Variants in SP3 observed in about 807,000 individuals in gnomAD.
SP3 encodes Sp3 transcription factor, also known as transcription factor Sp3.
Under a neutral mutation model 70.3 loss-of-function variants are expected in SP3, and 10 were observed. The ratio of observed to expected loss-of-function variants is 0.14; its 90% CI spans 0.09 to 0.24. The LOEUF (loss-of-function observed/expected upper bound fraction) is 0.24, where lower values mean the gene tolerates loss of function less well. SP3 is among the 10% of genes least tolerant of loss of function. SP3 has a pLI of 1.00. For synonymous variants in SP3, 402 were observed against 333.5 expected (o/e 1.21, Z -2.24); for missense variants, 825 against 914.6 (o/e 0.90, Z 1.26).
At chr2:173,912,605 T>C (rs767921839) in intron 6 of SP3, among the ~76,000 whole-genome samples, 10 of 152,174 alleles carry the variant, frequency 6.6e-5, no homozygotes, top group Non-Finnish European at 1.5e-4. Context: ...CACATCAACA[T>C]TGCCTTGGTT....
chr2:173,941,655 C>T (rs148876065), intron 4 of SP3, among the ~76,000 whole-genome samples: 27 of 152,272 alleles, frequency 1.8e-4, no homozygotes, highest in African/African-American at 6.5e-4. Context: ...GTAATTTACA[C>T]ACTTGGCTTC....
chr2:173,918,790 A>AG lies in SP3; in HGVS notation c.1640-6dup, dbSNP rs745429557. On this transcript the variant is annotated splice_region_variant and splice_polypyrimidine_tract_variant and intron_variant, in intron 4 of 6. Coordinates refer to ENST00000310015, the MANE Select transcript of SP3 (RefSeq NM_003111.5). ...CTTCTTCCTTGATCCTAATATCTAA[A>AG]GGGAAAAAAAAACCAAATACAGATG... is the stretch of plus-strand genomic sequence containing the variant. 9 of 1,599,524 alleles carry AG rather than the reference A, an allele frequency of 5.6e-6. No homozygotes were observed. The highest frequency in any genetic ancestry group is 1.1e-5 in the South Asian group (1 of 88,230).
intron 4 of SP3, among the ~76,000 whole-genome samples, chr2:173,935,460 C>A (rs1319133135): frequency 1.3e-5 from 2 of 152,086 alleles, no homozygotes; most frequent in African/African-American, 4.8e-5. Context: ...CTTTACAATG[C>A]CAAATGTCAG....
chr2:173,913,829 A>T (rs1006781017), intron 5 of SP3: 1 of 152,166 alleles, frequency 6.6e-6, no homozygotes, highest in Non-Finnish European at 1.5e-5. Flanking sequence ...CTTTTTTTTA[A>T]ATCTAGTTAA....
chr2:173,932,827 C>T lies in SP3; in HGVS notation c.1640-14042G>A, dbSNP rs962826277. ...CTGACACGGTGAAACCCCGTCTCTACTAAAAATACAAAACATTAGCCAGGC... is the reference window on the plus strand; with the variant it reads ...CTGACACGGTGAAACCCCGTCTCTATTAAAAATACAAAACATTAGCCAGGC... On this transcript the variant is annotated intron_variant, in intron 4 of 6. Coordinates refer to ENST00000310015, the MANE Select transcript of SP3 (RefSeq NM_003111.5). 9.2e-5 allele frequency among the ~76,000 whole-genome samples: 14 copies of T among 152,136 alleles called. 1 individual carries two copies. Among genetic ancestry groups the T allele is most frequent in the African/African-American group, 2.9e-4 (12 of 41,498 alleles).
rs192744409 is a variant in SP3, at chr2:173,931,716, T to A, written c.1640-12931A>T. 3.0e-4 allele frequency among the ~76,000 whole-genome samples: 46 copies of A among 152,328 alleles called. 2 individuals are homozygous for A. The highest frequency in any genetic ancestry group is 1.4e-3 in the Admixed American group (22 of 15,298). Reference sequence around the variant, plus strand: ...CGGATAACTTCTTGCAGCTTCTACATCAGCACTTGCAGCCTTGTCTTTATG... The same window carrying A: ...CGGATAACTTCTTGCAGCTTCTACAACAGCACTTGCAGCCTTGTCTTTATG... On this transcript the variant is annotated intron_variant, in intron 4 of 6. Coordinates refer to ENST00000310015, the MANE Select transcript of SP3 (RefSeq NM_003111.5).
At chr2:173,920,470 A>C (rs1283480238) in intron 4 of SP3, among the ~76,000 whole-genome samples, 1 of 152,166 alleles carries the variant, frequency 6.6e-6, no homozygotes, top group African/African-American at 2.4e-5. Context: ...AACTGTTAAC[A>C]AATGAACCAC....
rs1389759441 is a variant in SP3 at position 173,923,718 on chromosome 2, A to C, written c.1640-4933T>G. Among the ~76,000 whole-genome samples the C allele has an allele frequency of 3.3e-5, 5 of 151,960 alleles. No individual in the cohort carries two copies. In the East Asian group the frequency reaches 9.6e-4, roughly 29 times the overall value. Reference sequence around the variant, plus strand: ...AAAGTCTTTCATATTCTCTGCCTTCAACTTTTTTAAGCACTGAAGTAATTT... The same window carrying C: ...AAAGTCTTTCATATTCTCTGCCTTCCACTTTTTTAAGCACTGAAGTAATTT... On this transcript the variant is annotated intron_variant, in intron 4 of 6. Coordinates refer to ENST00000310015, the MANE Select transcript of SP3 (RefSeq NM_003111.5).
intron 3 of SP3, among the ~76,000 whole-genome samples, chr2:173,961,947 T>TTG (rs1559112146): frequency 6.6e-6 from 1 of 150,970 alleles, no homozygotes; most frequent in East Asian, 1.9e-4. Context: ...TTTTTTTTTT[T>TTG]TTTTTTTTTT....
intron 3 of SP3, among the ~76,000 whole-genome samples, chr2:173,960,233 G>T (rs527743934): frequency 6.6e-6 from 1 of 152,332 alleles, no homozygotes; most frequent in East Asian, 1.9e-4. Flanking sequence ...TTGTAACTAA[G>T]GCACTCTAAG....
Position 173,910,146 on chromosome 2 carries a change from G to A in SP3, c.2141C>T (p.Thr714Ile). Residue 714 changes from threonine to isoleucine, a missense_variant, in exon 7 of 7, where the codon ACA becomes ATA. Physicochemically the swap from Thr to Ile is moderately conservative, Grantham distance 89. Coordinates refer to ENST00000310015, the MANE Select transcript of SP3 (RefSeq NM_003111.5). ...QNKKGIHSSS[T>I]VLASVEAARD... is the part of the protein sequence containing the mutation. ...CGCAGCTTCCACAGATGCCAGCACT[G>A]TACTGCTAGAGTGAATACCTTTTTT... The A allele has an allele frequency of 6.2e-7, 1 of 1,613,846 alleles. No homozygotes were observed.
intron 5 of SP3, among the ~76,000 whole-genome samples, chr2:173,918,168 AATCT>A (rs1689658455): frequency 6.6e-6 from 1 of 152,094 alleles, no homozygotes; most frequent in Non-Finnish European, 1.5e-5. Flanking sequence ...TAAAAAATTC[AATCT>A]ATTAAGGCTT....
chr2:173,965,399 T>C (rs1691263288), upstream of SP3: 2 of 565,448 alleles, frequency 3.5e-6, no homozygotes, highest in Non-Finnish European at 6.3e-6. Flanking sequence ...CCCGCCCCTC[T>C]TCTTGGCTCT....
chr2:173,941,311 T>C (rs1300132098), intron 4 of SP3, among the ~76,000 whole-genome samples: 10 of 152,120 alleles, frequency 6.6e-5, no homozygotes, highest in African/African-American at 1.7e-4. Flanking sequence ...CCCTCCACAA[T>C]ATATGAATAG....
chr2:173,952,496 G>A (rs1323870290), intron 4 of SP3, among the ~76,000 whole-genome samples: 3 of 152,036 alleles, frequency 2.0e-5, no homozygotes, highest in East Asian at 1.9e-4. Context: ...AATGTAAAAC[G>A]GTATGGTCTC....
chr2:173,955,336 C>T lies in SP3; in HGVS notation c.1176G>A (p.Gln392=). The change falls in exon 4 of 7, where the codon CAG becomes CAA. Residue 392 remains glutamine, a synonymous_variant. Coordinates refer to ENST00000310015, the MANE Select transcript of SP3 (RefSeq NM_003111.5). The stretch of plus-strand genomic sequence containing the variant: ...GAAGTTGTAGATGCTGTACAACAGG[C>T]TGTGCTGTAGAAACCTGAATATTCT... ...QAQNIQVSTA[Q]PVVQHLQLQE... The T allele has an allele frequency of 1.2e-6, 2 of 1,613,998 alleles. No individual in the cohort carries two copies. Among genetic ancestry groups the T allele is most frequent in the Non-Finnish European group, 1.7e-6 (2 of 1,179,990 alleles).
chr2:173,947,089 T>C (rs1690565076), intron 4 of SP3, among the ~76,000 whole-genome samples: 3 of 152,192 alleles, frequency 2.0e-5, no homozygotes, highest in South Asian at 4.1e-4. Context: ...ATGTAACATC[T>C]CTGTAATGTC....
chr2:173,917,266 G>A lies in SP3; in HGVS notation c.1832+1327C>T, dbSNP rs1689637958. Among the ~76,000 whole-genome samples, 4 of 152,060 alleles carry A rather than the reference G, an allele frequency of 2.6e-5. No individual in the cohort carries two copies. The South Asian group carries it at 8.3e-4, about 31-fold the overall frequency. Reference sequence around the variant, plus strand: ...TAAAATGAGTTTCAGAAAAGTTACTGCCTAGTTAGAATTCACAATTTTAAT... The same window carrying A: ...TAAAATGAGTTTCAGAAAAGTTACTACCTAGTTAGAATTCACAATTTTAAT... On this transcript the variant is annotated intron_variant, in intron 5 of 6. Transcript: ENST00000310015.
rs897562458 is a variant in SP3 at position 173,905,200 on chromosome 2, T to C, written c.*4741A>G. ...TTTGGAAAAATCAATGTATGAACCA[T>C]AGTCAAACAATGAAAATTCTAAAAC... On this transcript the variant is annotated 3_prime_UTR_variant, in exon 7 of 7. Transcript: ENST00000310015. Among the ~76,000 whole-genome samples the C allele has an allele frequency of 2.6e-5, 4 of 152,338 alleles. No homozygotes were observed. Among genetic ancestry groups the C allele is most frequent in the African/African-American group, 4.8e-5 (2 of 41,580 alleles).
Sources: allele counts gnomAD v4.1 joint callset (sites outside exome capture counted in the v4.1 genomes callset), GRCh38; gene constraint gnomAD v4.1.1; transcripts MANE v1.5; gene names NCBI Gene and HGNC (gene_info 2026-07-23, HGNC 2026-07-21).